Variants in AFF1 observed in about 807,000 individuals in gnomAD.
AFF1 encodes ALF transcription elongation factor 1.
AFF1 carries 48 observed loss-of-function variants against 121.7 expected under a neutral mutation model. The observed-to-expected ratio is 0.39, with a 90% CI of 0.31 to 0.50. The LOEUF (loss-of-function observed/expected upper bound fraction) is 0.50. Among genes scored for constraint, AFF1 ranks in the 20% least tolerant of loss-of-function variants. The pLI is 0.76. For missense variants in AFF1, 1,523 were observed against 1,511.7 expected, an observed-to-expected ratio of 1.01 and a Z score of -0.12; for synonymous variants, 613 against 563.0, an observed-to-expected ratio of 1.09 and a Z score of -1.26.
intron 2 of AFF1, among the ~76,000 whole-genome samples, chr4:87,004,305 C>T (rs191204477): frequency 2.0e-5 from 3 of 152,120 alleles, no homozygotes; most frequent in Non-Finnish European, 2.9e-5. Context: ...TAAGTTTGCA[C>T]CTCAATTACT....
At chr4:86,940,182 C>T (rs1038033055) in intron 1 of AFF1, among the ~76,000 whole-genome samples, 3 of 152,172 alleles carry the variant, frequency 2.0e-5, no homozygotes, top group African/African-American at 7.2e-5. Flanking sequence ...CCTGTGAAGT[C>T]TGAGGTTTTA....
At chr4:86,987,450 A>G (rs574790930) in intron 2 of AFF1, among the ~76,000 whole-genome samples, 2 of 152,206 alleles carry the variant, frequency 1.3e-5, no homozygotes, top group South Asian at 4.1e-4. Context: ...GCCTTGAGTC[A>G]GGGGTCATTT....
intron 2 of AFF1, among the ~76,000 whole-genome samples, chr4:86,966,763 C>G (rs924044721): frequency 6.6e-6 from 1 of 152,106 alleles, no homozygotes; most frequent in Non-Finnish European, 1.5e-5. Context: ...TTAATCATTC[C>G]TCCTCTTCTG....
chr4:87,105,419 T>C (rs966813098), intron 8 of AFF1, among the ~76,000 whole-genome samples: 2 of 152,232 alleles, frequency 1.3e-5, no homozygotes, highest in African/African-American at 2.4e-5. Flanking sequence ...TTCTGTGTTA[T>C]AATTGTATAA....
intron 1 of AFF1, among the ~76,000 whole-genome samples, chr4:86,939,261 A>AT (rs1317859371): frequency 1.3e-5 from 2 of 149,658 alleles, no homozygotes; most frequent in Non-Finnish European, 3.0e-5. Flanking sequence ...AAATCAGGAA[A>AT]TTGAGTTGAA....
intron 2 of AFF1, among the ~76,000 whole-genome samples, chr4:86,986,292 G>T (rs1724271552): frequency 6.6e-6 from 1 of 151,988 alleles, no homozygotes; most frequent in Non-Finnish European, 1.5e-5. Flanking sequence ...GGCTGGTCTT[G>T]AACACCTGAC....
intron 11 of AFF1, among the ~76,000 whole-genome samples, chr4:87,112,165 T>C (rs1017166459): frequency 6.6e-6 from 1 of 152,226 alleles, no homozygotes; most frequent in Non-Finnish European, 1.5e-5. Flanking sequence ...TAACCACTTA[T>C]GTAACCACAC....
At chr4:87,028,751 T>C (rs972710678) in intron 2 of AFF1, among the ~76,000 whole-genome samples, 2 of 152,188 alleles carry the variant, frequency 1.3e-5, no homozygotes, top group African/African-American at 4.8e-5. Context: ...CATTTTTGGG[T>C]AACAGTAAAA....
intron 2 of AFF1, among the ~76,000 whole-genome samples, chr4:86,966,901 T>C (rs1447995): frequency 0.94 from 143,323 of 152,104 alleles, 67,979 homozygotes; most frequent in Non-Finnish European, 1. Flanking sequence ...CTTAGTGTGG[T>C]GTTCAAGCCC....
At position 87,126,151 on chromosome 4, in the gene AFF1, C is replaced by CCCGTGT. The variant is rs749188697; in HGVS notation, c.2629_2634dup (p.Val877_Ser878dup). 2.8e-5 allele frequency: 45 copies of CCCGTGT among 1,614,230 alleles called. No homozygotes were observed. The Middle Eastern group carries it at 8.2e-4, about 30-fold the overall frequency. On this transcript the variant is annotated inframe_insertion, in exon 14 of 21. Transcript: ENST00000395146. ...AAAGAAGGAAATGCTCCCCCCGCCA[C>CCCGTGT]CCGTGTCCTCGTCCTCCCAGAAGCC...
intron 5 of AFF1, among the ~76,000 whole-genome samples, chr4:87,086,562 T>C (rs534240366): frequency 1.3e-5 from 2 of 152,294 alleles, no homozygotes; most frequent in South Asian, 4.1e-4. Flanking sequence ...CGTCCAGGAC[T>C]GAACAGGCCA....
In AFF1 at chr4:86,949,548, T is replaced by A. The variant is rs1222282271; in HGVS notation, c.38+977T>A. 127 of 578,516 alleles carry A rather than the reference T, an allele frequency of 2.2e-4. 6 individuals carry two copies. Among genetic ancestry groups the A allele is most frequent in the African/African-American group, 8.0e-4 (38 of 47,554 alleles). 35.8% of individuals were successfully genotyped at this position (578,516 alleles called of 1,614,324 possible). On this transcript the variant is annotated intron_variant, in intron 2 of 20. Coordinates refer to ENST00000395146, the MANE Select transcript of AFF1 (RefSeq NM_001166693.3). ...TTATTATTATTATTATTTTTTTTTT[T>A]TTTTTTTTCCCGACTGGGGCAGGCG...
At chr4:87,019,600 C>G (rs1727676543) in intron 2 of AFF1, among the ~76,000 whole-genome samples, 1 of 152,182 alleles carries the variant, frequency 6.6e-6, no homozygotes, top group Admixed American at 6.5e-5. Flanking sequence ...GACTGGGTCT[C>G]CAGAGAGCTT....
intron 2 of AFF1, among the ~76,000 whole-genome samples, chr4:86,951,623 C>CTTTTTTTTTTTTTTTTTTTTT (rs1285365564): frequency 1.9e-4 from 13 of 69,404 alleles, no homozygotes; most frequent in African/African-American, 6.0e-4. Flanking sequence ...TTCTTTTTTT[C>CTTTTTTTTTTTTTTTTTTTTT]TTTTTTTTTT....
intron 1 of AFF1, among the ~76,000 whole-genome samples, chr4:86,939,118 A>G (rs1228162444): frequency 3.4e-5 from 5 of 147,306 alleles, no homozygotes; most frequent in Non-Finnish European, 4.5e-5. Context: ...TGATGGTAAC[A>G]TGATCAAGAA....
chr4:87,096,533 C>T (rs1287146140), intron 8 of AFF1, among the ~76,000 whole-genome samples: 1 of 150,916 alleles, frequency 6.6e-6, no homozygotes, highest in Non-Finnish European at 1.5e-5. Flanking sequence ...CACTTAGCCT[C>T]TTTTTTTCTT....
At chr4:87,085,340 T>G (rs1359460261) in intron 5 of AFF1, among the ~76,000 whole-genome samples, 1 of 150,582 alleles carries the variant, frequency 6.6e-6, no homozygotes, top group African/African-American at 2.5e-5. Context: ...CTGAGGGTTT[T>G]GTGTATTTTT....
At chr4:87,134,994 A>C (rs1309411527) in intron 20 of AFF1, among the ~76,000 whole-genome samples, 7 of 152,348 alleles carry the variant, frequency 4.6e-5, no homozygotes, top group Middle Eastern at 3.4e-3. Flanking sequence ...ATGCTAGCTG[A>C]AAGGCAGGGC....
intron 2 of AFF1, among the ~76,000 whole-genome samples, chr4:87,041,096 C>T (rs191459823): frequency 6.6e-6 from 1 of 152,052 alleles, no homozygotes; most frequent in East Asian, 1.9e-4. Flanking sequence ...AAGCTGGTCT[C>T]GAACTCCTGA....
Sources: gnomAD v4.1 joint callset for allele counts (sites outside exome capture counted in the v4.1 genomes callset) on GRCh38, gnomAD v4.1.1 for gene constraint, MANE v1.5 for transcripts, NCBI Gene and HGNC (gene_info 2026-07-23, HGNC 2026-07-21) for gene names.